DLC1: variants seen among roughly 807,000 people sequenced by gnomAD.
DLC1 encodes rho GTPase-activating protein 7.
Under a neutral mutation model 140.3 loss-of-function variants are expected in DLC1, and 54 were observed. That is an observed-to-expected ratio of 0.38 (90% CI 0.31 to 0.48). The LOEUF (loss-of-function observed/expected upper bound fraction) is 0.48, where lower values mean the gene tolerates loss of function less well. Among genes scored for constraint, DLC1 ranks in the 20% least tolerant of loss-of-function variants. The probability of loss-of-function intolerance (pLI) is 0.96; values close to 1 mark genes in which losing one functional copy is unlikely to be tolerated. For synonymous variants in DLC1, 986 were observed against 728.1 expected, an observed-to-expected ratio of 1.35 and a Z score of -5.70; for missense variants, 2,536 against 1,907.0, an observed-to-expected ratio of 1.33 and a Z score of -6.14.
At chr8:13,489,188 C>G (rs1371921436) in intron 2 of DLC1, among the ~76,000 whole-genome samples, 1 of 152,046 alleles carries the variant, frequency 6.6e-6, no homozygotes, top group African/African-American at 2.4e-5. Flanking sequence ...ATCAGGTGAT[C>G]TGCCTGCTTT....
chr8:13,342,413 C>A (rs1834104041), intron 4 of DLC1: 1 of 152,184 alleles, frequency 6.6e-6, no homozygotes, highest in South Asian at 2.1e-4. Context: ...CTATGGTGCA[C>A]AGTTGTTTGA....
rs139037979 is a variant in DLC1, at chr8:13,236,488, T to C, written c.1348+68781A>G. ...AATTAGCCTATCAACCTTGTCCATA[T>C]AGTCGTTTTACCCATTCCCACAGGA... is the stretch of plus-strand genomic sequence containing the variant. On this transcript the variant is annotated intron_variant, in intron 5 of 17. Transcript: ENST00000276297. Among the ~76,000 whole-genome samples the C allele has an allele frequency of 9.2e-5, 14 of 152,260 alleles. No individual in the cohort carries two copies. The East Asian group carries it at 1.3e-3, about 15-fold the overall frequency.
rs201050426 is a variant in DLC1, at chr8:13,164,362, C to T, written c.1349-48705G>A. 2.6e-5 allele frequency among the ~76,000 whole-genome samples: 4 copies of T among 152,074 alleles called. No homozygotes were observed. In the South Asian group the frequency reaches 8.3e-4, roughly 32 times the overall value. On this transcript the variant is annotated intron_variant, in intron 5 of 17. Coordinates refer to ENST00000276297, the MANE Select transcript of DLC1 (RefSeq NM_182643.3). ...TCTGTCTGTCTGTCTCTCTCTCTGT[C>T]TGTCTATTTGTGTTTCTGTCTATCT... is the stretch of plus-strand genomic sequence containing the variant.
intron 2 of DLC1, among the ~76,000 whole-genome samples, chr8:13,443,985 G>A (rs1181056836): frequency 1.3e-5 from 2 of 152,156 alleles, no homozygotes; most frequent in African/African-American, 2.4e-5. Context: ...AGCATTGTAT[G>A]AATCATGGCC....
At chr8:13,238,175 G>T (rs1265439997) in intron 5 of DLC1, among the ~76,000 whole-genome samples, 1 of 152,066 alleles carries the variant, frequency 6.6e-6, no homozygotes, top group African/African-American at 2.4e-5. Flanking sequence ...TATGTATTTT[G>T]AAGGCATGTA....
chr8:13,153,343 T>C (rs556025797), intron 5 of DLC1, among the ~76,000 whole-genome samples: 1 of 152,338 alleles, frequency 6.6e-6, no homozygotes, highest in Admixed American at 6.5e-5. Flanking sequence ...TTCCTCTCCG[T>C]GAGTTTGCGA....
Position 13,561,164 on chromosome 8 carries a change from C to T in DLC1, c.-126+43373G>A, listed in dbSNP as rs561763770. Among the ~76,000 whole-genome samples, 4 of 149,996 alleles carry T rather than the reference C, an allele frequency of 2.7e-5. No homozygotes were observed. In the South Asian group the frequency reaches 6.3e-4, roughly 24 times the overall value. On this transcript the variant is annotated intron_variant, in intron 1 of 1. Transcript: ENST00000631382. ...ACAGAAATATTGCTCTGTCTGTCAA[C>T]CAGGCTGGAGTGCACTGGTGCAATC...
chr8:13,271,353 T>A (rs922389265), intron 5 of DLC1, among the ~76,000 whole-genome samples: 21 of 152,094 alleles, frequency 1.4e-4, no homozygotes, highest in Non-Finnish European at 5.9e-5. Context: ...TTCACAGGAG[T>A]CAATGTTTTT....
At chr8:13,172,561 G>C (rs184434411) in intron 5 of DLC1, among the ~76,000 whole-genome samples, 99 of 152,330 alleles carry the variant, frequency 6.5e-4, no homozygotes, top group Non-Finnish European at 1.2e-4. Flanking sequence ...TTTTACTAAT[G>C]CTGCAATTCA....
chr8:13,216,042 C>T (rs1375628121), intron 5 of DLC1, among the ~76,000 whole-genome samples: 1 of 152,152 alleles, frequency 6.6e-6, no homozygotes, highest in African/African-American at 2.4e-5. Context: ...ATCTTTCCTA[C>T]ACATTGCATC....
chr8:13,516,049 G>T (rs1056808429), upstream of DLC1, among the ~76,000 whole-genome samples: 1 of 152,144 alleles, frequency 6.6e-6, no homozygotes, highest in Non-Finnish European at 1.5e-5. Context: ...CAGGGAAGCA[G>T]GAAACAGCAT....
At chr8:13,238,506 C>T (rs2117229985) in intron 5 of DLC1, among the ~76,000 whole-genome samples, 1 of 151,896 alleles carries the variant, frequency 6.6e-6, no homozygotes, top group African/African-American at 2.4e-5. Context: ...GAGCAAGACC[C>T]TGTCTCAAAA....
intron 2 of DLC1, among the ~76,000 whole-genome samples, chr8:13,406,943 A>G (rs1837592646): frequency 1.3e-5 from 2 of 152,126 alleles, no homozygotes; most frequent in Admixed American, 6.5e-5. Flanking sequence ...TTTTCCCATT[A>G]TGTGTCTGTG....
intron 1 of DLC1, among the ~76,000 whole-genome samples, chr8:13,547,127 A>G (rs1803679202): frequency 6.6e-6 from 1 of 152,114 alleles, no homozygotes; most frequent in African/African-American, 2.4e-5. Flanking sequence ...TTATGAAATG[A>G]TGGAAGAATT....
chr8:13,269,594 T>G (rs1309654928), intron 5 of DLC1, among the ~76,000 whole-genome samples: 1 of 149,300 alleles, frequency 6.7e-6, no homozygotes, highest in Non-Finnish European at 1.5e-5. Context: ...TCCTGGCTGC[T>G]GAGGGGAGGC....
At chr8:13,398,149 T>C (rs1563314329) in intron 3 of DLC1, among the ~76,000 whole-genome samples, 1 of 151,874 alleles carries the variant, frequency 6.6e-6, no homozygotes, top group South Asian at 2.1e-4. Context: ...AACAAGACCT[T>C]GTCTCTAAAA....
intron 2 of DLC1, among the ~76,000 whole-genome samples, chr8:13,436,868 T>C (rs1839142705): frequency 6.6e-6 from 1 of 152,222 alleles, no homozygotes; most frequent in African/African-American, 2.4e-5. Context: ...TTAAATATGA[T>C]GCCCTGTCTA....
In DLC1 at chr8:13,375,738, T is replaced by TTTA. The variant is rs200771170; in HGVS notation, c.1314+17814_1314+17815insTAA. Among the ~76,000 whole-genome samples the TTTA allele has an allele frequency of 5.4e-5, 3 of 55,180 alleles. No individual in the cohort carries two copies. In the East Asian group the frequency reaches 8.7e-3, roughly 159 times the overall value. The allele number at this position is 55,180 out of a possible 152,430, so 36.2% of individuals were successfully genotyped here. On this transcript the variant is annotated intron_variant, in intron 4 of 17. Transcript: ENST00000276297. ...ACTGTTATTTTATTTTATTTTTATT[T>TTTA]TTTTGCTGTGAGATGAGAAAGGAAT... is the stretch of plus-strand genomic sequence containing the variant.
intron 5 of DLC1, among the ~76,000 whole-genome samples, chr8:13,252,158 T>C (rs188117606): frequency 6.6e-6 from 1 of 152,154 alleles, no homozygotes; most frequent in Non-Finnish European, 1.5e-5. Context: ...TTGATTAAAT[T>C]AAATAAAAAG....
Sources: allele counts gnomAD v4.1 joint callset (sites outside exome capture counted in the v4.1 genomes callset), GRCh38; gene constraint gnomAD v4.1.1; transcripts MANE v1.5; gene names NCBI Gene and HGNC (gene_info 2026-07-23, HGNC 2026-07-21).